The following SHISA9 variants were observed in gnomAD, a reference collection of about 807,000 sequenced individuals.
The protein encoded by SHISA9 is protein shisa-9.
Under a neutral mutation model 38.0 loss-of-function variants are expected in SHISA9, and 13 were observed. That is an observed-to-expected ratio of 0.34 (90% CI 0.22 to 0.54). The LOEUF (loss-of-function observed/expected upper bound fraction) is 0.54. Among genes scored for constraint, SHISA9 ranks in the 20% least tolerant of loss-of-function variants. SHISA9 has a pLI of 0.91. For synonymous variants in SHISA9, 275 were observed against 242.0 expected (o/e 1.14, Z -1.27); for missense variants, 538 against 575.8 (o/e 0.93, Z 0.67).
At chr16:13,234,595 C>T (rs1596756954) in intron 4 of SHISA9, among the ~76,000 whole-genome samples, 1 of 152,138 alleles carries the variant, frequency 6.6e-6, no homozygotes, top group African/African-American at 2.4e-5. Flanking sequence ...AGAAAATACA[C>T]CCAAAAGTTG....
At chr16:13,162,309 G>A (rs561113587) in intron 2 of SHISA9, among the ~76,000 whole-genome samples, 11 of 151,954 alleles carry the variant, frequency 7.2e-5, no homozygotes, top group Non-Finnish European at 1.3e-4. Flanking sequence ...GTGTAGAATC[G>A]TGTAATTCTT....
chr16:12,949,024 A>G (rs2071721780), intron 2 of SHISA9, among the ~76,000 whole-genome samples: 1 of 152,108 alleles, frequency 6.6e-6, no homozygotes, highest in Non-Finnish European at 1.5e-5. Flanking sequence ...AATATTAGTA[A>G]TATTTCCCAC....
chr16:13,176,051 C>G (rs950160512), intron 2 of SHISA9, among the ~76,000 whole-genome samples: 1 of 152,096 alleles, frequency 6.6e-6, no homozygotes. Flanking sequence ...ACTAAAGTTA[C>G]ATTTAAATGT....
intron 2 of SHISA9, among the ~76,000 whole-genome samples, chr16:13,178,657 G>C (rs879705701): frequency 6.6e-6 from 1 of 152,148 alleles, no homozygotes; most frequent in Non-Finnish European, 1.5e-5. Context: ...TGCTAGTGCC[G>C]GGGACCTGGG....
intron 2 of SHISA9, among the ~76,000 whole-genome samples, chr16:13,150,191 C>G (rs754910552): frequency 3.3e-5 from 5 of 151,986 alleles, no homozygotes; most frequent in Non-Finnish European, 5.9e-5. Flanking sequence ...TTCAGGAGTT[C>G]CCTAAATCTA....
chr16:13,262,668 G>A, the SHISA9 span, among the ~76,000 whole-genome samples: 11 of 120,544 alleles, frequency 9.1e-5, no homozygotes, highest in Non-Finnish European at 1.8e-4. Flanking sequence ...AAGGAAGGAA[G>A]GAAGGGAGGG....
chr16:13,445,067 G>T, the SHISA9 span, among the ~76,000 whole-genome samples: 1 of 146,280 alleles, frequency 6.8e-6, no homozygotes, highest in Non-Finnish European at 1.5e-5. Context: ...TTGTCTTGTT[G>T]CCCAGGCTGG....
the SHISA9 span, among the ~76,000 whole-genome samples, chr16:13,367,707 C>T: frequency 8.2e-4 from 101 of 123,206 alleles, 2 homozygotes; most frequent in Admixed American, 5.5e-3. Flanking sequence ...TGCGCGCGCG[C>T]GCGCGCACAC....
At chr16:13,460,611 C>T in the SHISA9 span, among the ~76,000 whole-genome samples, 1 of 152,074 alleles carries the variant, frequency 6.6e-6, no homozygotes, top group South Asian at 2.1e-4. Flanking sequence ...TGGATAGGTT[C>T]GAGTAGAACT....
At chr16:13,551,471 A>G in the SHISA9 span, among the ~76,000 whole-genome samples, 1 of 152,366 alleles carries the variant, frequency 6.6e-6, no homozygotes, top group South Asian at 2.1e-4. Context: ...CATGTAAGTT[A>G]CAAAGTACAT....
chr16:13,235,222 C>G lies in SHISA9; in HGVS notation c.1088C>G (p.Thr363Ser), dbSNP rs2051370585. The change falls in exon 5 of 5, where the codon ACC becomes AGC. Residue 363 changes from threonine (T) to serine (S), a missense_variant. This residue lies in a region of SHISA9 where 326 missense variants were observed against 305.9 expected (regional missense o/e 1.07). Coordinates refer to ENST00000558583, the MANE Select transcript of SHISA9 (RefSeq NM_001145204.3). ...ATGCCCCCACATCCCCTGGCCTACA[C>G]CTCTACCACCAACTTTAAGGGCTGG... ...NKMPPHPLAY[T>S]STTNFKGWDP... is the part of the protein sequence containing the mutation. 2 of 1,551,684 alleles carry G rather than the reference C, an allele frequency of 1.3e-6. No homozygotes were observed. Among genetic ancestry groups the G allele is most frequent in the Non-Finnish European group, 1.7e-6 (2 of 1,147,028 alleles).
At chr16:13,141,778 C>G (rs892601807) in intron 2 of SHISA9, among the ~76,000 whole-genome samples, 2 of 152,138 alleles carry the variant, frequency 1.3e-5, no homozygotes, top group Admixed American at 1.3e-4. Flanking sequence ...CCTCGTTTGT[C>G]ATTTAAGTCT....
At chr16:13,354,618 G>T in the SHISA9 span, among the ~76,000 whole-genome samples, 17 of 146,496 alleles carry the variant, frequency 1.2e-4, no homozygotes, top group African/African-American at 3.5e-4. Context: ...TTGTGATTTT[G>T]AGGGCCTCTA....
chr16:13,441,850 C>T, the SHISA9 span, among the ~76,000 whole-genome samples: 2 of 152,288 alleles, frequency 1.3e-5, no homozygotes, highest in African/African-American at 4.8e-5. Context: ...GTGTTTTGAC[C>T]TGAAACTATG....
chr16:13,067,718 T>C (rs2073451205), intron 2 of SHISA9, among the ~76,000 whole-genome samples: 1 of 152,234 alleles, frequency 6.6e-6, no homozygotes, highest in South Asian at 2.1e-4. Context: ...GCTCAGGCCC[T>C]GTCTTAGCTG....
chr16:13,065,098 C>T (rs1388657059), intron 2 of SHISA9, among the ~76,000 whole-genome samples: 1 of 152,184 alleles, frequency 6.6e-6, no homozygotes, highest in East Asian at 1.9e-4. Context: ...GCCTTTATCT[C>T]CCCTAGATCT....
chr16:13,037,067 C>T (rs2073077245), intron 2 of SHISA9, among the ~76,000 whole-genome samples: 1 of 145,340 alleles, frequency 6.9e-6, no homozygotes, highest in African/African-American at 2.6e-5. Context: ...ATCACACACA[C>T]ACACACACAC....
At chr16:12,929,860 A>G (rs2071440971) in intron 2 of SHISA9, among the ~76,000 whole-genome samples, 1 of 152,178 alleles carries the variant, frequency 6.6e-6, no homozygotes, top group African/African-American at 2.4e-5. Context: ...CAGGGGTTTT[A>G]CATACGCTCT....
chr16:13,443,917 A>G, the SHISA9 span, among the ~76,000 whole-genome samples: 1 of 152,234 alleles, frequency 6.6e-6, no homozygotes, highest in African/African-American at 2.4e-5. Context: ...GTAGAAGTCC[A>G]GCCTAGAAGT....
Sources: allele counts gnomAD v4.1 joint callset (sites outside exome capture counted in the v4.1 genomes callset), GRCh38; gene constraint gnomAD v4.1.1; regional missense constraint gnomAD v4.1.1; transcripts MANE v1.5; gene names NCBI Gene and HGNC (gene_info 2026-07-23, HGNC 2026-07-21).